The following USP20 variants were observed in gnomAD, a reference collection of about 807,000 sequenced individuals.
USP20 encodes ubiquitin specific peptidase 20.
A neutral mutation model predicts 124.2 loss-of-function variants in USP20; 80 were observed. That is an observed-to-expected ratio of 0.64 (90% CI 0.54 to 0.78). USP20 has a LOEUF of 0.78. Ranked by LOEUF, USP20 falls within the 30% of genes least tolerant of loss-of-function variation. The pLI, the probability that USP20 is intolerant of heterozygous loss-of-function variation, is 0.00. For missense variants in USP20, 1,043 were observed against 1,244.4 expected (o/e 0.84, Z 2.44); for synonymous variants, 481 against 512.3 (o/e 0.94, Z 0.83).
chr9:129,870,493 G>A lies in USP20; in HGVS notation c.1606G>A (p.Val536Ile). The A allele has an allele frequency of 6.2e-7, 1 of 1,614,190 alleles. No individual in the cohort carries two copies. Among genetic ancestry groups the A allele is most frequent in the Non-Finnish European group, 8.5e-7 (1 of 1,180,030 alleles). The change falls in exon 15 of 26, where the codon GTC becomes ATC. Residue 536 changes from valine to isoleucine, a missense_variant. Coordinates refer to ENST00000372429, the MANE Select transcript of USP20 (RefSeq NM_001110303.4). ...TACCCCCAGCTGGTTTTGGGGGCCT[G>A]TCGTCACCCTGGAAGACTGCCTTGC... ...SCTPSWFWGP[V>I]VTLEDCLAAF...
chr9:129,851,074 A>G (rs1018395538), intron 2 of USP20, among the ~76,000 whole-genome samples: 1 of 152,144 alleles, frequency 6.6e-6, no homozygotes, highest in Non-Finnish European at 1.5e-5. Context: ...TTGAAGCTAT[A>G]ATCAGCAGTC....
intron 9 of USP20, among the ~76,000 whole-genome samples, chr9:129,864,448 C>T (rs1235141875): frequency 6.2e-5 from 8 of 129,734 alleles, no homozygotes; most frequent in African/African-American, 9.3e-5. Flanking sequence ...TCAGCCTGGG[C>T]GACAGAGTGA....
intron 1 of USP20, among the ~76,000 whole-genome samples, chr9:129,846,377 T>C (rs1366077578): frequency 6.9e-6 from 1 of 145,896 alleles, no homozygotes; most frequent in African/African-American, 2.5e-5. Flanking sequence ...CATCACAGCT[T>C]CCCGAGTAGC....
chr9:129,862,587 G>A (rs975573667), intron 8 of USP20, among the ~76,000 whole-genome samples: 12 of 149,438 alleles, frequency 8.0e-5, no homozygotes, highest in African/African-American at 2.5e-4. Flanking sequence ...CACCCAATCC[G>A]TTTTAACTTT....
intron 8 of USP20, 101 bp downstream of exon 8, chr9:129,861,713 T>A: frequency 9.6e-7 from 1 of 1,046,912 alleles, no homozygotes; most frequent in Non-Finnish European, 1.4e-6. Context: ...AACACATGTA[T>A]AGGATGCACA....
intron 5 of USP20, 107 bp from the exon 6 acceptor site, chr9:129,858,360 C>G: frequency 6.5e-7 from 1 of 1,531,710 alleles, no homozygotes; most frequent in East Asian, 2.3e-5. Flanking sequence ...GGCCTCTGTC[C>G]TGACAGGGCC....
intron 1 of USP20, among the ~76,000 whole-genome samples, chr9:129,846,776 G>A (rs764503357): frequency 9.9e-5 from 15 of 150,950 alleles, no homozygotes; most frequent in African/African-American, 3.2e-4. Context: ...ACAGGCTCCC[G>A]CCACCACGCC....
At chr9:129,870,329 C>G (rs2034056086) in intron 14 of USP20, 124 bp from the exon 15 acceptor site, 1 of 1,042,768 alleles carries the variant, frequency 9.6e-7, no homozygotes, top group Non-Finnish European at 1.4e-6. Flanking sequence ...CCGTGCCCGG[C>G]TGCTTCTCTG....
In USP20 at chr9:129,875,648, G is replaced by T. The variant is rs1038610857; in HGVS notation, c.2300+7G>T. 4 of 1,613,436 alleles carry T rather than the reference G, an allele frequency of 2.5e-6. No individual in the cohort carries two copies. The highest frequency in any genetic ancestry group is 2.5e-6 in the Non-Finnish European group (3 of 1,179,768). On this transcript the variant is annotated splice_region_variant and intron_variant, in intron 21 of 25. Coordinates refer to ENST00000372429, the MANE Select transcript of USP20 (RefSeq NM_001110303.4). ...GGGAGCACCTGTACAACAGGTGAGA[G>T]CCTGGGAGGCCAACTTGTCTCCGTC...
At chr9:129,851,913 T>G (rs2032942775) in intron 2 of USP20, among the ~76,000 whole-genome samples, 1 of 152,154 alleles carries the variant, frequency 6.6e-6, no homozygotes, top group South Asian at 2.1e-4. Flanking sequence ...TCTCTCTGAC[T>G]TTCTCCCTGC....
chr9:129,853,911 G>GC (rs927335381), intron 3 of USP20, among the ~76,000 whole-genome samples: 8 of 152,038 alleles, frequency 5.3e-5, no homozygotes, highest in Non-Finnish European at 1.0e-4. Flanking sequence ...GTGCTCTGGG[G>GC]CTGTGTGTCA....
chr9:129,869,731 C>A lies in USP20; in HGVS notation c.1452C>A (p.Asp484Glu). Residue 484 changes from aspartate (D) to glutamate (E), a missense_variant, in exon 14 of 26, where the codon GAC (aspartate) becomes GAA (glutamate). Coordinates refer to ENST00000372429, the MANE Select transcript of USP20 (RefSeq NM_001110303.4). ...DLSLPIPGKEDLAKLHSAIYQ... is the reference protein window; with the variant it reads ...DLSLPIPGKEELAKLHSAIYQ... ...CACTGCCCATTCCTGGAAAGGAGGA[C>A]CTGGCCAAGCTCCATTCAGCCATCT... is the stretch of plus-strand genomic sequence containing the variant. 6.2e-7 allele frequency: 1 copy of A among 1,614,090 alleles called. No homozygotes were observed. Among genetic ancestry groups the A allele is most frequent in the Non-Finnish European group, 8.5e-7 (1 of 1,180,032 alleles).
chr9:129,879,194 T>A lies in USP20; in HGVS notation c.2513-379T>A, dbSNP rs2034535185. ...TTCTACCAGCTATGACCTGAGTGGT[T>A]ACTTCACCTTCCCAGGCCTCGGCTC... On this transcript the variant is annotated intron_variant, in intron 23 of 25. Coordinates refer to ENST00000372429, the MANE Select transcript of USP20 (RefSeq NM_001110303.4). This position sits in a 1 kb window ranked among gnomAD's most constrained non-coding sequence, Gnocchi z 4.2. Among the ~76,000 whole-genome samples, 1 of 152,212 alleles carries A rather than the reference T, an allele frequency of 6.6e-6. No homozygotes were observed. The highest frequency in any genetic ancestry group is 6.5e-5 in the Admixed American group (1 of 15,282).
chr9:129,868,789 A>T, intron 11 of USP20, 73 bp from the exon 12 acceptor site: 1 of 1,499,290 alleles, frequency 6.7e-7, no homozygotes, highest in East Asian at 2.3e-5. Context: ...AGGGGCTGGC[A>T]GGTCATCTTC....
intron 13 of USP20, 23 bp downstream of exon 13, chr9:129,869,448 G>T: frequency 6.2e-7 from 1 of 1,607,902 alleles, no homozygotes; most frequent in African/African-American, 1.3e-5. Context: ...GGGATGGGGG[G>T]AGCTGGGCCA....
chr9:129,862,927 A>AT (rs1554747232), intron 8 of USP20, among the ~76,000 whole-genome samples: 125,566 of 150,542 alleles, frequency 0.83, 53,705 homozygotes, highest in East Asian at 0.99. Context: ...AATAATAATA[A>AT]AAAAATAAGG....
chr9:129,858,744 A>G, intron 6 of USP20, 146 bp downstream of exon 6: 1 of 1,188,894 alleles, frequency 8.4e-7, no homozygotes, highest in Non-Finnish European at 1.2e-6. Context: ...GACTTTGAGG[A>G]GCTCACATCA....
intron 10 of USP20, among the ~76,000 whole-genome samples, chr9:129,867,433 G>A (rs2033871384): frequency 6.6e-6 from 1 of 152,180 alleles, no homozygotes; most frequent in South Asian, 2.1e-4. Context: ...GGGAAGGTGA[G>A]AGCAGGCAGT....
intron 23 of USP20, among the ~76,000 whole-genome samples, chr9:129,878,655 G>A (rs990879665): frequency 3.9e-5 from 6 of 152,244 alleles, no homozygotes; most frequent in African/African-American, 2.4e-5. Flanking sequence ...CCTGCTCTGC[G>A]CCCCCTGCCC....
Sources: allele counts gnomAD v4.1 joint callset (sites outside exome capture counted in the v4.1 genomes callset), GRCh38; gene constraint gnomAD v4.1.1; non-coding constraint Gnocchi (gnomAD v3.1); transcripts MANE v1.5; gene names NCBI Gene and HGNC (gene_info 2026-07-23, HGNC 2026-07-21).